Variants in TENM1 observed in about 807,000 individuals in gnomAD.
TENM1 encodes the protein teneurin-1.
Under a neutral mutation model 174.8 loss-of-function variants are expected in TENM1, and 35 were observed. That is an observed-to-expected ratio of 0.20 (90% CI 0.15 to 0.27). The LOEUF (loss-of-function observed/expected upper bound fraction) is 0.27, where lower values mean the gene tolerates loss of function less well. Ranked by LOEUF, TENM1 falls within the 10% of genes least tolerant of loss-of-function variation. The pLI is 1.00. For synonymous variants in TENM1, 781 were observed against 798.7 expected, an observed-to-expected ratio of 0.98 and a Z score of 0.37; for missense variants, 1,633 against 2,130.1, an observed-to-expected ratio of 0.77 and a Z score of 4.59.
the TENM1 span, among the ~76,000 whole-genome samples, chrX:125,001,925 TCACACACACA>T: frequency 0.017 from 1,158 of 67,231 alleles, 19 homozygotes; most frequent in African/African-American, 0.04. Flanking sequence ...TCTAGAGAGA[TCACACACACA>T]CACACACACA....
chrX:124,399,626 T>C (rs1232937711), intron 27 of TENM1, among the ~76,000 whole-genome samples: 2 of 112,122 alleles, frequency 1.8e-5, no homozygotes, highest in Non-Finnish European at 3.8e-5. Flanking sequence ...AAATGGTATA[T>C]GAAATAATTC....
the TENM1 span, among the ~76,000 whole-genome samples, chrX:124,993,011 T>C: frequency 1.8e-5 from 2 of 111,289 alleles, no homozygotes; most frequent in African/African-American, 6.5e-5. Flanking sequence ...GATTCAGTGC[T>C]ATAGCTAAAA....
chrX:124,583,501 A>G (rs754898941), intron 11 of TENM1, among the ~76,000 whole-genome samples: 1 of 111,322 alleles, frequency 9.0e-6, no homozygotes, highest in African/African-American at 3.3e-5. Flanking sequence ...AAAACTAACA[A>G]CCAGAAAGGA....
At chrX:124,806,662 C>T (rs1024074385) in intron 3 of TENM1, among the ~76,000 whole-genome samples, 9 of 112,153 alleles carry the variant, frequency 8.0e-5, no homozygotes, top group Non-Finnish European at 1.7e-4. Flanking sequence ...TTTTGCATTG[C>T]TATAAAGGAA....
At chrX:124,782,338 C>T (rs1046261367) in intron 3 of TENM1, among the ~76,000 whole-genome samples, 1 of 111,299 alleles carries the variant, frequency 9.0e-6, no homozygotes, top group African/African-American at 3.3e-5. Flanking sequence ...CACTGGCTAT[C>T]ATATTGTAGG....
intron 27 of TENM1, among the ~76,000 whole-genome samples, chrX:124,395,494 T>C (rs1418485055): frequency 1.8e-5 from 2 of 111,203 alleles, no homozygotes; most frequent in South Asian, 7.7e-4. Flanking sequence ...GGTTAGATGC[T>C]TAAATTATCT....
chrX:124,385,824 A>G (rs1330650778), exon 29 of TENM1: 2 of 1,211,788 alleles, frequency 1.7e-6, no homozygotes, highest in East Asian at 3.0e-5. Context: ...GTGTACTTGT[A>G]TAAGACTCTG....
chrX:124,722,975 T>G (rs902969434), intron 4 of TENM1, among the ~76,000 whole-genome samples: 1 of 111,127 alleles, frequency 9.0e-6, no homozygotes, highest in Non-Finnish European at 1.9e-5. Context: ...CATATTTCTA[T>G]ATACTTTATC....
At chrX:124,971,148 AG>A in the TENM1 span, among the ~76,000 whole-genome samples, 4 of 39,908 alleles carry the variant, frequency 1.0e-4, no homozygotes, top group South Asian at 5.1e-3. Context: ...GGGTGGGGGG[AG>A]GGGGGAGGGA....
the TENM1 span, among the ~76,000 whole-genome samples, chrX:125,152,458 C>A: frequency 8.9e-6 from 1 of 111,808 alleles, no homozygotes; most frequent in Non-Finnish European, 1.9e-5. Flanking sequence ...TGGTCAAAAT[C>A]AACACAGGCA....
At chrX:124,492,602 G>A (rs1420581322) in intron 20 of TENM1, among the ~76,000 whole-genome samples, 6 of 110,646 alleles carry the variant, frequency 5.4e-5, no homozygotes, top group Non-Finnish European at 1.1e-4. Context: ...TGGTTTGATG[G>A]TTTTGAATAT....
chrX:124,388,607 A>G (rs1186926242), intron 28 of TENM1, among the ~76,000 whole-genome samples: 2 of 112,758 alleles, frequency 1.8e-5, no homozygotes, highest in Admixed American at 9.4e-5. Context: ...CAAATAACAG[A>G]GTGGGAGACT....
exon 30 of TENM1, chrX:124,384,003 T>C (rs1282276191): frequency 2.5e-6 from 3 of 1,210,022 alleles, no homozygotes; most frequent in Non-Finnish European, 3.4e-6. Context: ...TCCATGGCAA[T>C]AAGGTGACCT....
chrX:124,892,270 C>A (rs766930270), intron 3 of TENM1, among the ~76,000 whole-genome samples: 1 of 111,542 alleles, frequency 9.0e-6, no homozygotes, highest in Admixed American at 9.6e-5. Flanking sequence ...TGCTCTGATA[C>A]CCCTGTGAAA....
the TENM1 span, among the ~76,000 whole-genome samples, chrX:125,000,816 G>A: frequency 9.0e-6 from 1 of 111,401 alleles, no homozygotes; most frequent in South Asian, 3.7e-4. Context: ...CATTACATGA[G>A]GTTGAGACTC....
chrX:124,510,290 C>G (rs965489377), intron 18 of TENM1, among the ~76,000 whole-genome samples: 1 of 112,451 alleles, frequency 8.9e-6, no homozygotes, highest in African/African-American at 3.2e-5. Context: ...ATGCTTTCAT[C>G]TACTATGCTA....
the TENM1 span, among the ~76,000 whole-genome samples, chrX:125,188,617 C>T: frequency 1.8e-5 from 2 of 111,328 alleles, no homozygotes; most frequent in Admixed American, 9.5e-5. Context: ...TACTTAAATG[C>T]CATATTTAAA....
chrX:124,900,686 C>T (rs914110525), intron 1 of TENM1, among the ~76,000 whole-genome samples: 11 of 110,936 alleles, frequency 9.9e-5, no homozygotes, highest in South Asian at 3.8e-4. Flanking sequence ...AAATGTAACA[C>T]GAACAAAAAG....
chrX:124,603,226 G>T (rs975181615), intron 11 of TENM1, among the ~76,000 whole-genome samples: 2 of 111,291 alleles, frequency 1.8e-5, no homozygotes, highest in Non-Finnish European at 3.8e-5. Flanking sequence ...ACCTGGTTTG[G>T]GGTAATTTGT....
Sources: allele counts gnomAD v4.1 joint callset (sites outside exome capture counted in the v4.1 genomes callset), GRCh38; gene constraint gnomAD v4.1.1; transcripts MANE v1.5; gene names NCBI Gene and HGNC (gene_info 2026-07-23, HGNC 2026-07-21).